PHC3: variants seen among roughly 807,000 people sequenced by gnomAD.
PHC3 encodes polyhomeotic-like protein 3.
In PHC3, 13 loss-of-function variants were observed where a neutral mutation model predicts 107.4. The observed-to-expected ratio is 0.12, with a 90% CI of 0.08 to 0.19. PHC3 has a LOEUF of 0.19. Ranked by LOEUF, PHC3 falls within the 10% of genes least tolerant of loss-of-function variation. The pLI is 1.00. For synonymous variants in PHC3, 456 were observed against 427.4 expected, an observed-to-expected ratio of 1.07 and a Z score of -0.83; for missense variants, 992 against 1,210.9, an observed-to-expected ratio of 0.82 and a Z score of 2.68.
intron 1 of PHC3, among the ~76,000 whole-genome samples, chr3:170,181,094 G>A (rs1455680227): frequency 6.6e-6 from 1 of 152,226 alleles, no homozygotes; most frequent in African/African-American, 2.4e-5. Context: ...GCTGCACCCA[G>A]AGAATCGAGG....
intron 4 of PHC3, among the ~76,000 whole-genome samples, chr3:170,166,476 AT>A (rs1178228527): frequency 3.3e-5 from 5 of 152,208 alleles, no homozygotes; most frequent in African/African-American, 1.2e-4. Flanking sequence ...CATATACAGC[AT>A]TTTTTAGTAG....
rs1713884952 is a variant in PHC3, at chr3:170,089,816, C to T, written c.*7414G>A. On this transcript the variant is annotated 3_prime_UTR_variant, in exon 15 of 15. Coordinates refer to ENST00000495893, the MANE Select transcript of PHC3 (RefSeq NM_024947.4). ...CCTGTAATTCCAGCTACTTGGAAGG[C>T]TGAGGCAAGACAATCGCTTCAACCC... The T allele has an allele frequency of 6.7e-6, 1 of 150,214 alleles. No individual in the cohort carries two copies. Among genetic ancestry groups the T allele is most frequent in the South Asian group, 2.1e-4 (1 of 4,792 alleles). The allele number at this position is 150,214 out of a possible 1,614,324, so 9.3% of individuals were successfully genotyped here.
intron 3 of PHC3, 131 bp downstream of exon 3, chr3:170,172,426 A>C (rs1426800126): frequency 2.2e-5 from 21 of 951,640 alleles, no homozygotes; most frequent in Admixed American, 6.4e-5. Flanking sequence ...CAACCTATTA[A>C]TATATTTCCT....
chr3:170,141,598 T>C (rs1407726026), intron 6 of PHC3, among the ~76,000 whole-genome samples: 2 of 152,156 alleles, frequency 1.3e-5, no homozygotes, highest in African/African-American at 4.8e-5. Context: ...CCTTGGAAAC[T>C]ATAAATTCTT....
At chr3:170,135,139 TTTTGTTTGTTTGTTTG>T (rs370687749) in intron 7 of PHC3, among the ~76,000 whole-genome samples, 6 of 151,880 alleles carry the variant, frequency 4.0e-5, no homozygotes, top group African/African-American at 1.5e-4. Flanking sequence ...AAAGGAAGTT[TTTTGTTTGTTTGTTTG>T]TTTGTTTGTT....
Position 170,128,911 on chromosome 3 carries a change from G to A in PHC3, c.1561C>T (p.Pro521Ser). 1.2e-5 allele frequency: 19 copies of A among 1,614,058 alleles called. No homozygotes were observed. Among genetic ancestry groups the A allele is most frequent in the Non-Finnish European group, 1.5e-5 (18 of 1,179,892 alleles). The stretch of plus-strand genomic sequence containing the variant: ...GGCAGTGGTGGAATCTGAGCTGGAG[G>A]AGATGTCGACATCTGTGGAGGACTT... ...IASPPQMSTS[P>S]PAQIPPLPLQ... The change falls in exon 8 of 15, where the codon CCT (proline) becomes TCT (serine). Residue 521 changes from proline (P) to serine (S), a missense_variant. Coordinates refer to ENST00000495893, the MANE Select transcript of PHC3 (RefSeq NM_024947.4).
intron 4 of PHC3, among the ~76,000 whole-genome samples, chr3:170,161,719 G>T (rs1382517339): frequency 2.0e-5 from 3 of 152,338 alleles, no homozygotes; most frequent in Non-Finnish European, 4.4e-5. Context: ...AGGCTGGGAA[G>T]TCCAAAATTA....
In PHC3 at chr3:170,096,453, A is replaced by T. The variant is rs1018697725; in HGVS notation, c.*777T>A. On this transcript the variant is annotated 3_prime_UTR_variant, in exon 15 of 15. Transcript: ENST00000495893. The stretch of plus-strand genomic sequence containing the variant: ...ATGTTTAGAAACATCTCTGGCTTCT[A>T]ACTACTAGACACCAGTAGCAACCCT... 15 of 152,088 alleles carry T rather than the reference A, an allele frequency of 9.9e-5. No individual in the cohort carries two copies. Among genetic ancestry groups the T allele is most frequent in the African/African-American group, 3.6e-4 (15 of 41,418 alleles). The allele number at this position is 152,088 out of a possible 1,614,324, so 9.4% of individuals were successfully genotyped here. A position where few individuals can be genotyped will look rare whatever the true frequency, so the allele number is the denominator to read the frequency against.
At chr3:170,165,967 T>C (rs947809263) in intron 4 of PHC3, among the ~76,000 whole-genome samples, 2 of 133,798 alleles carry the variant, frequency 1.5e-5, no homozygotes, top group African/African-American at 5.6e-5. Context: ...ACAATGAGCA[T>C]ACCTAAAAGA....
intron 4 of PHC3, among the ~76,000 whole-genome samples, chr3:170,165,153 T>C (rs986772071): frequency 6.6e-6 from 1 of 151,952 alleles, no homozygotes; most frequent in African/African-American, 2.4e-5. Flanking sequence ...AGCTTAGCAA[T>C]TAAGAGGAAC....
At chr3:170,155,638 T>C (rs1024183188) in intron 4 of PHC3, among the ~76,000 whole-genome samples, 4 of 152,126 alleles carry the variant, frequency 2.6e-5, no homozygotes, top group African/African-American at 9.7e-5. Context: ...GGGAGATCAC[T>C]TGAGCCTGGG....
intron 4 of PHC3, among the ~76,000 whole-genome samples, chr3:170,159,119 C>T (rs1035115104): frequency 1.3e-5 from 2 of 151,574 alleles, no homozygotes; most frequent in East Asian, 3.9e-4. Flanking sequence ...GGCGTGGTGG[C>T]AGGCGCCTGC....
chr3:170,105,343 A>G (rs1185675145), intron 12 of PHC3, among the ~76,000 whole-genome samples: 1 of 152,230 alleles, frequency 6.6e-6, no homozygotes, highest in Non-Finnish European at 1.5e-5. Context: ...TATTTGAAAA[A>G]CAGATTGACA....
At chr3:170,170,602 A>T (rs1354840925) in intron 4 of PHC3, 1 of 152,056 alleles carries the variant, frequency 6.6e-6, no homozygotes, top group Non-Finnish European at 1.5e-5. Context: ...ATACACATCA[A>T]AGTATTTAGG....
chr3:170,119,572 G>A (rs1273453154), intron 9 of PHC3, among the ~76,000 whole-genome samples: 1 of 152,050 alleles, frequency 6.6e-6, no homozygotes, highest in Non-Finnish European at 1.5e-5. Flanking sequence ...TATTACAATA[G>A]AAGAGAAAGA....
At position 170,091,729 on chromosome 3, in the gene PHC3, T is replaced by G. The variant is rs147376823; in HGVS notation, c.*5501A>C. The G allele has an allele frequency of 2.7e-3, 418 of 152,222 alleles. 4 individuals carry two copies. Among genetic ancestry groups the G allele is most frequent in the African/African-American group, 9.6e-3 (399 of 41,550 alleles). 9.4% of individuals were successfully genotyped at this position (152,222 alleles called of 1,614,324 possible). A position where few individuals can be genotyped will look rare whatever the true frequency, so the allele number is the denominator to read the frequency against. On this transcript the variant is annotated 3_prime_UTR_variant, in exon 15 of 15. Transcript: ENST00000495893. ...AGAAAAAGCCATATTCTCTGGAATG[T>G]GATGGTAATAATTATATTTGTATTA...
chr3:170,130,602 AT>A (rs200439568), intron 7 of PHC3, among the ~76,000 whole-genome samples: 1,845 of 152,174 alleles, frequency 0.012, 37 homozygotes, highest in African/African-American at 0.042. Flanking sequence ...TAAATAAGGG[AT>A]TTTGTTAACC....
intron 12 of PHC3, among the ~76,000 whole-genome samples, chr3:170,103,202 G>A (rs1715813628): frequency 6.6e-6 from 1 of 152,106 alleles, no homozygotes. Context: ...ATTACAGCAT[G>A]ACAGTGGGAA....
chr3:170,142,026 T>C (rs1934236371), intron 6 of PHC3, among the ~76,000 whole-genome samples: 1 of 152,214 alleles, frequency 6.6e-6, no homozygotes, highest in Non-Finnish European at 1.5e-5. Context: ...GCTTGTGATA[T>C]CTTATGTGGA....
Sources: gnomAD v4.1 joint callset for allele counts (sites outside exome capture counted in the v4.1 genomes callset) on GRCh38, gnomAD v4.1.1 for gene constraint, MANE v1.5 for transcripts, NCBI Gene and HGNC (gene_info 2026-07-23, HGNC 2026-07-21) for gene names.